The following VPS35L variants were observed in gnomAD, a reference collection of about 807,000 sequenced individuals.
VPS35L encodes VPS35 endosomal protein-sorting factor-like.
A neutral mutation model predicts 133.0 loss-of-function variants in VPS35L; 83 were observed. The observed-to-expected ratio is 0.62, with a 90% CI of 0.52 to 0.75. VPS35L has a LOEUF of 0.75. VPS35L is among the 30% of genes least tolerant of loss of function. The probability of loss-of-function intolerance (pLI) is 0.00; values close to 1 mark genes in which losing one functional copy is unlikely to be tolerated. For synonymous variants in VPS35L, 423 were observed against 449.9 expected, an observed-to-expected ratio of 0.94 and a Z score of 0.76; for missense variants, 1,083 against 1,206.8, an observed-to-expected ratio of 0.90 and a Z score of 1.52.
At position 19,681,338 on chromosome 16, in the gene VPS35L, C is replaced by T. The variant is rs374354253; in HGVS notation, c.2362-887C>T. Reference sequence around the variant, plus strand: ...GGCTTTGTTCCTGCAAGCAAGACTACATCTTGGGCTAGATGGCCTCTTGCC... The same window carrying T: ...GGCTTTGTTCCTGCAAGCAAGACTATATCTTGGGCTAGATGGCCTCTTGCC... On this transcript the variant is annotated intron_variant, in intron 27 of 30. Coordinates refer to ENST00000417362, the MANE Select transcript of VPS35L (RefSeq NM_020314.7). Among the ~76,000 whole-genome samples, 53 of 152,386 alleles carry T rather than the reference C, an allele frequency of 3.5e-4. No homozygotes were observed. The South Asian group carries it at 6.2e-3, about 18-fold the overall frequency.
At chr16:19,567,308 C>T (rs1369802306) in intron 2 of VPS35L, among the ~76,000 whole-genome samples, 2 of 152,204 alleles carry the variant, frequency 1.3e-5, no homozygotes, top group East Asian at 3.9e-4. Context: ...ATGCTTTTCT[C>T]AAGCAGTTTT....
intron 7 of VPS35L, chr16:19,587,260 A>G (rs1443728525): frequency 2.4e-6 from 1 of 424,264 alleles, no homozygotes; most frequent in Non-Finnish European, 4.7e-6. Context: ...TCGACATGAG[A>G]TTTGGGTGGG....
chr16:19,630,696 A>G (rs1175118628), intron 18 of VPS35L, among the ~76,000 whole-genome samples: 2 of 152,050 alleles, frequency 1.3e-5, no homozygotes, highest in African/African-American at 2.4e-5. Flanking sequence ...CCCAAAATTC[A>G]TATGTTGAAA....
chr16:19,684,804 C>T (rs1336350742), intron 28 of VPS35L, among the ~76,000 whole-genome samples: 1 of 152,158 alleles, frequency 6.6e-6, no homozygotes, highest in Non-Finnish European at 1.5e-5. Context: ...TGCCTATAAT[C>T]CCAGCACTTT....
At chr16:19,670,595 A>G (rs1287269765) in intron 27 of VPS35L, among the ~76,000 whole-genome samples, 4 of 152,244 alleles carry the variant, frequency 2.6e-5, no homozygotes, top group African/African-American at 9.6e-5. Context: ...TTGATGGCAA[A>G]TAACAGAAAC....
At chr16:19,645,295 T>C (rs931080029) in intron 23 of VPS35L, among the ~76,000 whole-genome samples, 7 of 149,032 alleles carry the variant, frequency 4.7e-5, no homozygotes, top group Non-Finnish European at 8.9e-5. Context: ...TTTTTCTTTT[T>C]TTTTTTTTTT....
intron 27 of VPS35L, among the ~76,000 whole-genome samples, chr16:19,675,738 C>T (rs1393430452): frequency 1.3e-5 from 2 of 151,658 alleles, no homozygotes; most frequent in Non-Finnish European, 2.9e-5. Flanking sequence ...TTAGTAGAGA[C>T]AATGTTTCAC....
intron 25 of VPS35L, among the ~76,000 whole-genome samples, 172 bp from the exon 26 acceptor site, chr16:19,651,804 T>A (rs7206712): frequency 0.066 from 10,041 of 152,144 alleles, 851 homozygotes; most frequent in African/African-American, 0.19. Flanking sequence ...CACACCCCTG[T>A]CCTCCTAGAG....
Position 19,699,880 on chromosome 16 carries a change from T to C in VPS35L, c.2793+232T>C, listed in dbSNP as rs989053548. On this transcript the variant is annotated intron_variant, in intron 30 of 30. Transcript: ENST00000417362. This position sits in a 1 kb window ranked among gnomAD's most constrained non-coding sequence, Gnocchi z 4.2. ...TGGGAGGCTGAGACAGGAGGATCGC[T>C]TGAGGCTAAGGGTTTGACACCAGCC... Among the ~76,000 whole-genome samples the C allele has an allele frequency of 6.6e-6, 1 of 152,162 alleles. No individual in the cohort carries two copies. Among genetic ancestry groups the C allele is most frequent in the Non-Finnish European group, 1.5e-5 (1 of 68,024 alleles).
chr16:19,681,463 A>G (rs1975276475), intron 27 of VPS35L, among the ~76,000 whole-genome samples: 1 of 152,276 alleles, frequency 6.6e-6, no homozygotes, highest in Non-Finnish European at 1.5e-5. Context: ...GGGGACCCGC[A>G]TGGGGTGGGC....
intron 9 of VPS35L, among the ~76,000 whole-genome samples, chr16:19,604,003 A>G (rs1301787051): frequency 1.3e-5 from 2 of 152,158 alleles, no homozygotes; most frequent in South Asian, 4.1e-4. Context: ...AAGTGCTGGT[A>G]TTACAGGCAT....
chr16:19,630,330 T>TG (rs1257325714), intron 18 of VPS35L, among the ~76,000 whole-genome samples: 1 of 115,200 alleles, frequency 8.7e-6, no homozygotes, highest in Non-Finnish European at 1.7e-5. Context: ...CTAAAAGTTT[T>TG]TTTTTTTTTT....
At chr16:19,589,675 A>G (rs1971979722) in intron 7 of VPS35L, among the ~76,000 whole-genome samples, 1 of 152,228 alleles carries the variant, frequency 6.6e-6, no homozygotes, top group Admixed American at 6.5e-5. Context: ...AATTTATAAG[A>G]TCATTATAGC....
At chr16:19,682,002 G>T (rs775169425) in intron 27 of VPS35L, among the ~76,000 whole-genome samples, 1 of 152,124 alleles carries the variant, frequency 6.6e-6, no homozygotes, top group Non-Finnish European at 1.5e-5. Context: ...CTCAAAGCTC[G>T]TTTGCCCAGA....
In VPS35L at chr16:19,633,247, G is replaced by A; in HGVS notation, c.1635+75G>A. On this transcript the variant is annotated intron_variant, in intron 19 of 30. Coordinates refer to ENST00000417362, the MANE Select transcript of VPS35L (RefSeq NM_020314.7). The surrounding 1 kb of genome is among the most constrained non-coding windows in gnomAD (Gnocchi z 4.1). ...TTGAATTAAATAGGCGTGTTGTATG[G>A]GTCAGGCTATAAAGGCACATAATCC... 7.5e-7 allele frequency: 1 copy of A among 1,324,886 alleles called. No homozygotes were observed. The allele number at this position is 1,324,886 out of a possible 1,614,324, so 82.1% of individuals were successfully genotyped here. A position where few individuals can be genotyped will look rare whatever the true frequency, so the allele number is the denominator to read the frequency against.
intron 3 of VPS35L, among the ~76,000 whole-genome samples, chr16:19,571,557 T>G (rs1039694324): frequency 4.6e-5 from 7 of 152,008 alleles, no homozygotes; most frequent in South Asian, 2.1e-4. Flanking sequence ...TTTATTTTAT[T>G]TTTTTGAGAC....
At chr16:19,565,438 G>A (rs890897210) in intron 2 of VPS35L, among the ~76,000 whole-genome samples, 1 of 152,068 alleles carries the variant, frequency 6.6e-6, no homozygotes, top group African/African-American at 2.4e-5. Flanking sequence ...TGCCTCCCAG[G>A]TTCAAGCAAT....
Position 19,700,075 on chromosome 16 carries a change from T to C in VPS35L, c.2794-303T>C, listed in dbSNP as rs144876444. On this transcript the variant is annotated intron_variant, in intron 30 of 30. Transcript: ENST00000417362. ...TCACACCGCTGCACTCCAGCCTGGG[T>C]GATAGAGCAGGACCTTGTCTCCAAA... 5.5e-4 allele frequency among the ~76,000 whole-genome samples: 84 copies of C among 152,274 alleles called. No individual in the cohort carries two copies. In the East Asian group the frequency reaches 0.015, roughly 28 times the overall value.
chr16:19,581,206 C>T (rs1258244955), intron 6 of VPS35L, among the ~76,000 whole-genome samples: 1 of 152,068 alleles, frequency 6.6e-6, no homozygotes, highest in Admixed American at 6.6e-5. Context: ...GTCTTGTTAC[C>T]TCAATTCACA....
Sources: allele counts gnomAD v4.1 joint callset (sites outside exome capture counted in the v4.1 genomes callset), GRCh38; gene constraint gnomAD v4.1.1; non-coding constraint Gnocchi (gnomAD v3.1); transcripts MANE v1.5; gene names NCBI Gene and HGNC (gene_info 2026-07-23, HGNC 2026-07-21).